DENND5A: variants seen among roughly 807,000 people sequenced by gnomAD.
The protein encoded by DENND5A is DENN domain-containing protein 5A.
DENND5A carries 64 observed loss-of-function variants against 140.3 expected under a neutral mutation model. That is an observed-to-expected ratio of 0.46 (90% CI 0.37 to 0.56). DENND5A has a LOEUF of 0.56. Among genes scored for constraint, DENND5A ranks in the 20% least tolerant of loss-of-function variants. The pLI is 0.00. For missense variants in DENND5A, 1,292 were observed against 1,593.8 expected (o/e 0.81, Z 3.22); for synonymous variants, 605 against 607.7 (o/e 1.00, Z 0.07).
rs11285106 is a variant in DENND5A at position 9,168,092 on chromosome 11, A to ATTT, written c.2151+1761_2151+1763dup. ...GTATTTCAAAGTGTTAACCTCAGTG[A>ATTT]TTTTTTTTTTTTTTGTCTTTAGCAA... On this transcript the variant is annotated intron_variant, in intron 10 of 22. Coordinates refer to ENST00000328194, the MANE Select transcript of DENND5A (RefSeq NM_015213.4). 1.4e-3 allele frequency among the ~76,000 whole-genome samples: 200 copies of ATTT among 141,964 alleles called. 5 individuals carry two copies. The East Asian group carries it at 0.028, about 20-fold the overall frequency. 93.1% of individuals were successfully genotyped at this position (141,964 alleles called of 152,430 possible).
At chr11:9,264,121 C>T (rs1308549102) in intron 1 of DENND5A, among the ~76,000 whole-genome samples, 4 of 152,156 alleles carry the variant, frequency 2.6e-5, no homozygotes, top group African/African-American at 9.7e-5. Flanking sequence ...AATTCAAAGA[C>T]TCCAATGACA....
intron 1 of DENND5A, among the ~76,000 whole-genome samples, chr11:9,218,027 T>C (rs1398272103): frequency 2.0e-5 from 3 of 151,784 alleles, no homozygotes; most frequent in African/African-American, 7.3e-5. Flanking sequence ...CCAAGGTGGG[T>C]AGAGATTGTT....
Position 9,139,803 on chromosome 11 carries a change from A to G in DENND5A, c.3732T>C (p.Thr1244=). ...WIALLADCPI[T]AHMYEDVALI... is the part of the protein sequence containing the mutation. ...GTGCCACATCCTCATACATGTGTGC[A>G]GTGATGGGGCAGTCAGCCAGCAGGG... The change falls in exon 23 of 23, where the codon ACT becomes ACC. Residue 1244 remains threonine, a synonymous_variant. Coordinates refer to ENST00000328194, the MANE Select transcript of DENND5A (RefSeq NM_015213.4). 6.2e-7 allele frequency: 1 copy of G among 1,614,192 alleles called. No homozygotes were observed. Among genetic ancestry groups the G allele is most frequent in the Non-Finnish European group, 8.5e-7 (1 of 1,180,026 alleles).
chr11:9,150,603 T>C (rs1351703058), intron 14 of DENND5A, 77 bp downstream of exon 14: 1 of 993,788 alleles, frequency 1.0e-6, no homozygotes, highest in African/African-American at 1.6e-5. Context: ...ACTGAGACCT[T>C]GTTACTAAAA....
At chr11:9,217,232 T>TG (rs1357165048) in intron 1 of DENND5A, among the ~76,000 whole-genome samples, 1 of 152,144 alleles carries the variant, frequency 6.6e-6, no homozygotes. Context: ...TAAAATGTCC[T>TG]GGCCAGGCGC....
chr11:9,265,086 C>A lies in DENND5A; in HGVS notation c.-17G>T. On this transcript the variant is annotated 5_prime_UTR_variant, in exon 1 of 23. Transcript: ENST00000328194. The surrounding 1 kb of genome is among the most constrained non-coding windows in gnomAD (Gnocchi z 4.7). ...GCCACTCATGGCGCCGGGGCCGAGA[C>A]CGGCCGGGCAGTGCGGAGCGGCACC... The A allele has an allele frequency of 6.7e-7, 1 of 1,495,114 alleles. No individual in the cohort carries two copies. The highest frequency in any genetic ancestry group is 8.9e-7 in the Non-Finnish European group (1 of 1,120,866). The allele number at this position is 1,495,114 out of a possible 1,614,324, so 92.6% of individuals were successfully genotyped here. A position where few individuals can be genotyped will look rare whatever the true frequency, so the allele number is the denominator to read the frequency against.
At position 9,180,983 on chromosome 11, in the gene DENND5A, C is replaced by T. The variant is rs1327241444; in HGVS notation, c.1239G>A (p.Glu413=). 1.2e-6 allele frequency: 2 copies of T among 1,614,174 alleles called. No individual in the cohort carries two copies. The highest frequency in any genetic ancestry group is 4.5e-5 in the East Asian group (2 of 44,878). The part of the protein sequence containing the change: ...NKLEFVQEVS[E]ILMAFGIPPE... Reference sequence around the variant, plus strand: ...GGGGAATTCCAAATGCCATGAGAATCTCAGAGACTTCCTGGACAAACTCCA... The same window carrying T: ...GGGGAATTCCAAATGCCATGAGAATTTCAGAGACTTCCTGGACAAACTCCA... The change falls in exon 6 of 23, where the codon GAG becomes GAA. Residue 413 remains glutamate, a synonymous_variant. Coordinates refer to ENST00000328194, the MANE Select transcript of DENND5A (RefSeq NM_015213.4).
intron 1 of DENND5A, among the ~76,000 whole-genome samples, chr11:9,257,725 G>A (rs1182859082): frequency 2.0e-5 from 3 of 149,694 alleles, no homozygotes; most frequent in Non-Finnish European, 4.4e-5. Context: ...CTTGTGATCC[G>A]CCCACCCCGG....
intron 1 of DENND5A, among the ~76,000 whole-genome samples, chr11:9,262,067 TA>T (rs1279948270): frequency 2.0e-5 from 3 of 152,174 alleles, no homozygotes; most frequent in Non-Finnish European, 4.4e-5. Flanking sequence ...AATTAACACA[TA>T]TCCATTAAGA....
At chr11:9,262,516 CT>C (rs1158823417) in intron 1 of DENND5A, among the ~76,000 whole-genome samples, 1 of 152,172 alleles carries the variant, frequency 6.6e-6, no homozygotes, top group African/African-American at 2.4e-5. Context: ...GAGAAGAGCA[CT>C]GGACCAAGCA....
Position 9,264,997 on chromosome 11 carries a change from C to A in DENND5A, c.73G>T (p.Asp25Tyr). The A allele has an allele frequency of 1.9e-6, 3 of 1,589,690 alleles. 1 individual carries two copies. The highest frequency in any genetic ancestry group is 2.3e-5 in the South Asian group (2 of 88,294). The change falls in exon 1 of 23, where the codon GAC becomes TAC. Residue 25 changes from aspartate (D) to tyrosine (Y), a missense_variant. This residue lies in a region of DENND5A where 566 missense variants were observed against 650.4 expected (regional missense o/e 0.87). Coordinates refer to ENST00000328194, the MANE Select transcript of DENND5A (RefSeq NM_015213.4). Reference protein sequence around the residue: ...FADYFVICGLDTETGLEPDEL... With the variant: ...FADYFVICGLYTETGLEPDEL... The stretch of plus-strand genomic sequence containing the variant: ...TCCGGCTCCAGCCCGGTCTCCGTGT[C>A]CAGTCCGCAGATGACAAAGTAGTCG...
In DENND5A at chr11:9,144,147, G is replaced by C; in HGVS notation, c.3254C>G (p.Ser1085Cys). 1 of 1,614,158 alleles carries C rather than the reference G, an allele frequency of 6.2e-7. No individual in the cohort carries two copies. Reference protein sequence around the residue: ...RPCRTPPLQQSPSVIRRLVTI... With the variant: ...RPCRTPPLQQCPSVIRRLVTI... ...AACAAGCCTCCGGATGACACTGGGG[G>C]ACTGCTGCAGCGGCGGGGTCCGGCA... The change falls in exon 19 of 23, where the codon TCC (serine) becomes TGC (cysteine). Residue 1085 changes from serine to cysteine, a missense_variant. By Grantham distance (112) the Ser-to-Cys change is moderately radical (BLOSUM62 -1). Around this residue, in one of 4 missense-constraint regions of DENND5A, gnomAD observed 498 missense variants for 689.7 expected, o/e 0.72. Coordinates refer to ENST00000328194, the MANE Select transcript of DENND5A (RefSeq NM_015213.4).
intron 10 of DENND5A, among the ~76,000 whole-genome samples, chr11:9,167,863 G>T (rs1342726199): frequency 6.6e-6 from 1 of 152,138 alleles, no homozygotes; most frequent in South Asian, 2.1e-4. Flanking sequence ...AGAGATGCTT[G>T]CTCCTCTTCC....
intron 21 of DENND5A, 107 bp downstream of exon 21, chr11:9,142,614 AC>A: frequency 7.3e-7 from 1 of 1,376,300 alleles, no homozygotes; most frequent in Non-Finnish European, 1.0e-6. Context: ...TCTGAGAGTC[AC>A]CTAATTTGGG....
At chr11:9,158,580 A>T (rs975934770) in intron 12 of DENND5A, among the ~76,000 whole-genome samples, 1 of 152,016 alleles carries the variant, frequency 6.6e-6, no homozygotes. Context: ...AATATAAAAT[A>T]AAATAAAATT....
intron 4 of DENND5A, among the ~76,000 whole-genome samples, chr11:9,201,118 G>T (rs747010486): frequency 6.6e-6 from 1 of 151,838 alleles, no homozygotes; most frequent in Non-Finnish European, 1.5e-5. Flanking sequence ...CTTCATTATG[G>T]TATAATGCCA....
At chr11:9,193,717 A>G (rs1387939594) in intron 4 of DENND5A, 36 bp from the exon 5 acceptor site, 1 of 1,554,854 alleles carries the variant, frequency 6.4e-7, no homozygotes, top group Non-Finnish European at 8.7e-7. Context: ...ACACACACAA[A>G]TCAGTCAAAA....
intron 1 of DENND5A, among the ~76,000 whole-genome samples, chr11:9,214,719 T>TTTTTG (rs1213826695): frequency 2.6e-5 from 4 of 151,672 alleles, no homozygotes; most frequent in East Asian, 1.9e-4. Context: ...CCACAAGACT[T>TTTTTG]TTTTGTTTTG....
At chr11:9,217,685 T>C (rs1319014662) in intron 1 of DENND5A, among the ~76,000 whole-genome samples, 1 of 152,182 alleles carries the variant, frequency 6.6e-6, no homozygotes, top group Non-Finnish European at 1.5e-5. Context: ...ATTGCACAAC[T>C]CTGCAAATAC....
Sources: gnomAD v4.1 joint callset for allele counts (sites outside exome capture counted in the v4.1 genomes callset) on GRCh38, gnomAD v4.1.1 for gene constraint, gnomAD v4.1.1 regional missense constraint, Gnocchi (gnomAD v3.1) non-coding constraint, MANE v1.5 for transcripts, NCBI Gene and HGNC (gene_info 2026-07-23, HGNC 2026-07-21) for gene names.